GOLM2: variants seen among roughly 807,000 people sequenced by gnomAD.
GOLM2 encodes golgi membrane protein 2.
Under a neutral mutation model 55.9 loss-of-function variants are expected in GOLM2, and 26 were observed. The observed-to-expected ratio is 0.47, with a 90% confidence interval of 0.34 to 0.65. The LOEUF (loss-of-function observed/expected upper bound fraction) is 0.65. GOLM2 is among the 30% of genes least tolerant of loss of function. The pLI, the probability that GOLM2 is intolerant of heterozygous loss-of-function variation, is 0.01. For missense variants in GOLM2, 486 were observed against 531.8 expected, an observed-to-expected ratio of 0.91 and a Z score of 0.85; for synonymous variants, 165 against 194.6, an observed-to-expected ratio of 0.85 and a Z score of 1.27.
intron 6 of GOLM2, among the ~76,000 whole-genome samples, chr15:44,369,094 T>TATATATATATATAG (rs2079309580): frequency 1.1e-5 from 1 of 90,596 alleles, no homozygotes; most frequent in African/African-American, 4.1e-5. Context: ...TATATATATA[T>TATATATATATATAG]ATATATATAT....
chr15:44,369,917 G>A (rs1171725674), intron 6 of GOLM2, among the ~76,000 whole-genome samples: 3 of 151,948 alleles, frequency 2.0e-5, no homozygotes, highest in Non-Finnish European at 4.4e-5. Context: ...TAACTCATAC[G>A]ATCACAAGGT....
At chr15:44,299,417 C>T (rs556377389) in intron 1 of GOLM2, among the ~76,000 whole-genome samples, 38 of 151,966 alleles carry the variant, frequency 2.5e-4, no homozygotes, top group African/African-American at 8.2e-4. Flanking sequence ...TTCTTCCTTC[C>T]GAGTAGCTGG....
At chr15:44,412,374 T>A (rs1193374950) in intron 9 of GOLM2, among the ~76,000 whole-genome samples, 1 of 152,124 alleles carries the variant, frequency 6.6e-6, no homozygotes, top group Non-Finnish European at 1.5e-5. Context: ...TTTGGAGTAA[T>A]TTAATACAGC....
At position 44,289,073 on chromosome 15, in the gene GOLM2, C is replaced by T. The variant is rs1438477061; in HGVS notation, c.44C>T (p.Ser15Phe). ...GANRRAGRLP[S>F]LVLVVLLVVI... ...AACCGGCGGGCTGGCCGCCTGCCCT[C>T]TCTCGTGCTGGTGGTGCTGCTGGTG... is the stretch of plus-strand genomic sequence containing the variant. The change falls in exon 1 of 10, where the codon TCT (serine) becomes TTT (phenylalanine). Residue 15 changes from serine to phenylalanine, a missense_variant. By Grantham distance (155) the Ser-to-Phe change is radical. Transcript: ENST00000299957. This position sits in a 1 kb window ranked among gnomAD's most constrained non-coding sequence, Gnocchi z 4.8. The T allele has an allele frequency of 6.2e-7, 1 of 1,614,066 alleles. No individual in the cohort carries two copies. The highest frequency in any genetic ancestry group is 1.3e-5 in the African/African-American group (1 of 75,072).
chr15:44,289,277 A>C lies in GOLM2; in HGVS notation c.248A>C (p.Gln83Pro). The C allele has an allele frequency of 6.2e-7, 1 of 1,613,896 alleles. No individual in the cohort carries two copies. Among genetic ancestry groups the C allele is most frequent in the Non-Finnish European group, 8.5e-7 (1 of 1,179,942 alleles). The change falls in exon 1 of 10, where the codon CAG becomes CCG. Residue 83 changes from glutamine (Q) to proline (P), a missense_variant. Coordinates refer to ENST00000299957, the MANE Select transcript of GOLM2 (RefSeq NM_138423.4). The surrounding 1 kb of genome is among the most constrained non-coding windows in gnomAD (Gnocchi z 4.8). ...GACACGCACAAGAAACAGATCGACCAGAAGGAGGCCGACTACGGCCGCCTC... is the reference window on the plus strand; with the variant it reads ...GACACGCACAAGAAACAGATCGACCCGAAGGAGGCCGACTACGGCCGCCTC... Reference protein sequence around the residue: ...LVDTHKKQIDQKEADYGRLSS... With the variant: ...LVDTHKKQIDPKEADYGRLSS...
At chr15:44,380,223 T>C (rs1419537102) in intron 7 of GOLM2, among the ~76,000 whole-genome samples, 2 of 152,080 alleles carry the variant, frequency 1.3e-5, no homozygotes, top group Non-Finnish European at 2.9e-5. Context: ...AGAGTAGATA[T>C]GATTGAAGAG....
chr15:44,368,721 A>G (rs1000020722), intron 6 of GOLM2, among the ~76,000 whole-genome samples: 1 of 151,674 alleles, frequency 6.6e-6, no homozygotes, highest in Non-Finnish European at 1.5e-5. Context: ...ATATACACAT[A>G]TACACACATA....
At chr15:44,365,612 G>C (rs555143343) in intron 6 of GOLM2, among the ~76,000 whole-genome samples, 10 of 152,220 alleles carry the variant, frequency 6.6e-5, no homozygotes, top group Admixed American at 2.6e-4. Context: ...TACAACTATA[G>C]ATATTCCGGA....
intron 9 of GOLM2, chr15:44,406,549 G>A (rs984707492): frequency 3.3e-5 from 5 of 152,070 alleles, no homozygotes; most frequent in Non-Finnish European, 7.4e-5. Context: ...AAATTCTGTG[G>A]CCACATTCAA....
intron 1 of GOLM2, among the ~76,000 whole-genome samples, chr15:44,316,667 A>G (rs914792932): frequency 6.6e-6 from 1 of 151,498 alleles, no homozygotes; most frequent in Non-Finnish European, 1.5e-5. Context: ...AGGCAGGAGA[A>G]TGGCATGAAC....
Position 44,338,415 on chromosome 15 carries a change from A to G in GOLM2, c.802+98A>G, listed in dbSNP as rs137951875. The G allele has an allele frequency of 3.6e-4, 300 of 825,064 alleles. 3 individuals carry two copies. In the East Asian group the frequency reaches 7.9e-3, roughly 22 times the overall value. The allele number at this position is 825,064 out of a possible 1,614,324, so 51.1% of individuals were successfully genotyped here. On this transcript the variant is annotated intron_variant, in intron 6 of 9. Coordinates refer to ENST00000299957, the MANE Select transcript of GOLM2 (RefSeq NM_138423.4). ...GGTAACACTTGGAAAAGTCACAGAT[A>G]TCTGGATGATCGATATTTCTACTTA... is the stretch of plus-strand genomic sequence containing the variant.
intron 8 of GOLM2, among the ~76,000 whole-genome samples, chr15:44,392,648 A>G (rs571267120): frequency 6.6e-6 from 1 of 152,266 alleles, no homozygotes; most frequent in African/African-American, 2.4e-5. Context: ...ATTCTGAACA[A>G]AACATTAGCA....
chr15:44,366,434 GAGTTTGAGACC>G lies in GOLM2; in HGVS notation c.803-13252_803-13242del, dbSNP rs2079286131. Reference sequence around the variant, plus strand: ...AGGCAGGAGGATCGCTTGAGTCCAGGAGTTTGAGACCAGTCTGGACAACATAATATGAGACA... The same window carrying G: ...AGGCAGGAGGATCGCTTGAGTCCAGGAGTCTGGACAACATAATATGAGACA... On this transcript the variant is annotated intron_variant, in intron 6 of 9. Transcript: ENST00000299957. Among the ~76,000 whole-genome samples, 5 of 152,044 alleles carry G rather than the reference GAGTTTGAGACC, an allele frequency of 3.3e-5. No homozygotes were observed. The East Asian group carries it at 9.7e-4, about 29-fold the overall frequency.
At chr15:44,310,101 C>G (rs2078863182) in intron 1 of GOLM2, among the ~76,000 whole-genome samples, 2 of 152,104 alleles carry the variant, frequency 1.3e-5, no homozygotes, top group South Asian at 4.1e-4. Flanking sequence ...CCAAGCTGGT[C>G]TGAAACTCCT....
intron 6 of GOLM2, among the ~76,000 whole-genome samples, chr15:44,357,065 AGGAGGTTGAGAT>A (rs1438565118): frequency 6.6e-6 from 1 of 152,018 alleles, no homozygotes; most frequent in Non-Finnish European, 1.5e-5. Flanking sequence ...CCAGCTACTC[AGGAGGTTGAGAT>A]GGGAGGATTG....
At chr15:44,380,666 A>T (rs1595659257) in intron 7 of GOLM2, 140 bp from the exon 8 acceptor site, 36 of 154,980 alleles carry the variant, frequency 2.3e-4, no homozygotes, top group Non-Finnish European at 3.8e-4. Flanking sequence ...ATAAACCTTT[A>T]AAAAAAAAAA....
At position 44,289,707 on chromosome 15, in the gene GOLM2, T is replaced by A. The variant is rs1006195885; in HGVS notation, c.327+351T>A. 1.3e-5 allele frequency among the ~76,000 whole-genome samples: 2 copies of A among 152,206 alleles called. No individual in the cohort carries two copies. The highest frequency in any genetic ancestry group is 2.9e-5 in the Non-Finnish European group (2 of 68,032). The stretch of plus-strand genomic sequence containing the variant: ...CAAATCTGGCGACTGCCAGGTTTGG[T>A]GTGGTTATTGTCTCATTTTTATTCC... On this transcript the variant is annotated intron_variant, in intron 1 of 9. Transcript: ENST00000299957. This position sits in a 1 kb window ranked among gnomAD's most constrained non-coding sequence, Gnocchi z 4.8.
chr15:44,375,753 C>A (rs1235937329), intron 6 of GOLM2, among the ~76,000 whole-genome samples: 1 of 152,026 alleles, frequency 6.6e-6, no homozygotes, highest in African/African-American at 2.4e-5. Context: ...TGCACTCCAG[C>A]CTGAGTAACA....
intron 4 of GOLM2, among the ~76,000 whole-genome samples, chr15:44,336,873 G>A (rs1011615138): frequency 6.6e-6 from 1 of 151,990 alleles, no homozygotes; most frequent in Admixed American, 6.6e-5. Flanking sequence ...CCGAGATCGC[G>A]CCACTGCACT....
Sources: gnomAD v4.1 joint callset for allele counts (sites outside exome capture counted in the v4.1 genomes callset) on GRCh38, gnomAD v4.1.1 for gene constraint, Gnocchi (gnomAD v3.1) non-coding constraint, MANE v1.5 for transcripts, NCBI Gene and HGNC (gene_info 2026-07-23, HGNC 2026-07-21) for gene names.